ART3: variants seen among roughly 807,000 people sequenced by gnomAD.
The protein encoded by ART3 is ADP-ribosyltransferase 3 (inactive).
In ART3, 49 loss-of-function variants were observed where a neutral mutation model predicts 48.5. That is an observed-to-expected ratio of 1.01 (90% CI 0.80 to 1.28). The LOEUF (loss-of-function observed/expected upper bound fraction) is 1.28. ART3 is among the 50% of genes most tolerant of loss of function. The probability of loss-of-function intolerance (pLI) is 0.00; values close to 1 mark genes in which losing one functional copy is unlikely to be tolerated. For missense variants in ART3, 438 were observed against 454.3 expected, an observed-to-expected ratio of 0.96 and a Z score of 0.33; for synonymous variants, 145 against 157.2, an observed-to-expected ratio of 0.92 and a Z score of 0.58.
chr4:76,065,873 TA>T (rs1719689179), intron 1 of ART3, among the ~76,000 whole-genome samples: 1 of 152,140 alleles, frequency 6.6e-6, no homozygotes, highest in South Asian at 2.1e-4. Flanking sequence ...TCATTCCCTT[TA>T]TAAAGTCTGT....
chr4:76,077,687 G>A (rs973131971), intron 2 of ART3, among the ~76,000 whole-genome samples: 1 of 152,146 alleles, frequency 6.6e-6, no homozygotes, highest in Non-Finnish European at 1.5e-5. Flanking sequence ...CTATTGTTGT[G>A]AACATGTTTC....
At chr4:76,060,994 A>G (rs900732789) in intron 1 of ART3, among the ~76,000 whole-genome samples, 14 of 152,230 alleles carry the variant, frequency 9.2e-5, no homozygotes, top group African/African-American at 3.4e-4. Context: ...TTTAGCCTAC[A>G]GAGATCTATG....
intron 1 of ART3, among the ~76,000 whole-genome samples, chr4:76,028,736 C>T (rs1388108941): frequency 6.6e-6 from 1 of 152,228 alleles, no homozygotes. Context: ...TGGTTACATA[C>T]TTTTCAATTA....
chr4:76,110,236 T>A (rs934760548), intron 11 of ART3, among the ~76,000 whole-genome samples: 1 of 152,198 alleles, frequency 6.6e-6, no homozygotes, highest in African/African-American at 2.4e-5. Flanking sequence ...ATAATACAAA[T>A]TTAAAAACCC....
intron 1 of ART3, among the ~76,000 whole-genome samples, chr4:76,019,066 C>T (rs1018688570): frequency 1.4e-5 from 2 of 144,214 alleles, no homozygotes; most frequent in African/African-American, 2.5e-5. Flanking sequence ...AAAAAAAGAA[C>T]ATATGCCAGA....
At chr4:76,069,386 C>CTTTGTTT (rs59498066) in intron 1 of ART3, among the ~76,000 whole-genome samples, 1,354 of 110,070 alleles carry the variant, frequency 0.012, 117 homozygotes, top group African/African-American at 0.041. Flanking sequence ...TACTTAATTC[C>CTTTGTTT]TTTTTTTTTT....
intron 1 of ART3, among the ~76,000 whole-genome samples, chr4:76,043,358 AG>A (rs1735167346): frequency 6.6e-6 from 1 of 151,930 alleles, no homozygotes; most frequent in Non-Finnish European, 1.5e-5. Flanking sequence ...GGCACTCGTC[AG>A]GGAGGCTCGG....
At chr4:76,035,168 A>G in intron 1 of ART3, 1 of 1,613,344 alleles carries the variant, frequency 6.2e-7, no homozygotes, top group Non-Finnish European at 8.5e-7. Context: ...CAAATACATA[A>G]ACAAAAAAGC....
chr4:76,045,792 T>C (rs28848839), intron 1 of ART3, among the ~76,000 whole-genome samples: 93,415 of 151,440 alleles, frequency 0.62, 30,162 homozygotes, highest in East Asian at 0.94. Context: ...CTGGCTATCT[T>C]GCTGTATCTG....
chr4:76,034,696 T>C, intron 1 of ART3: 1 of 945,580 alleles, frequency 1.1e-6, no homozygotes, highest in Non-Finnish European at 1.6e-6. Flanking sequence ...AGTCTCAGTT[T>C]CCTACTGTAG....
At chr4:76,095,243 C>T (rs1429818807) in intron 3 of ART3, among the ~76,000 whole-genome samples, 1 of 152,170 alleles carries the variant, frequency 6.6e-6, no homozygotes, top group Non-Finnish European at 1.5e-5. Flanking sequence ...TACAGTGGCT[C>T]ATGCTTGTAA....
intron 11 of ART3, among the ~76,000 whole-genome samples, chr4:76,110,126 C>A (rs1386590901): frequency 6.6e-6 from 1 of 151,870 alleles, no homozygotes; most frequent in African/African-American, 2.4e-5. Flanking sequence ...TTTTTATCAT[C>A]TTGCAGAGAT....
rs149887939 is a variant in ART3 at position 76,065,112 on chromosome 4, G to A, written c.-9-10769G>A. ...CTCCCAAAGTGCTGGGATCACAGGCGTGAGTAATGGTAGCCATAGTGGTGG... is the reference window on the plus strand; with the variant it reads ...CTCCCAAAGTGCTGGGATCACAGGCATGAGTAATGGTAGCCATAGTGGTGG... On this transcript the variant is annotated intron_variant, in intron 1 of 9. Transcript: ENST00000341029. Among the ~76,000 whole-genome samples, 923 of 152,278 alleles carry A rather than the reference G, an allele frequency of 6.1e-3. 5 individuals are homozygous for A. Among genetic ancestry groups the A allele is most frequent in the African/African-American group, 0.019 (782 of 41,550 alleles).
chr4:76,020,869 T>C (rs59539700), intron 1 of ART3, among the ~76,000 whole-genome samples: 3,848 of 151,692 alleles, frequency 0.025, 150 homozygotes, highest in African/African-American at 0.086. Flanking sequence ...AAATAAGAGA[T>C]TAAAAAAAAA....
chr4:76,073,389 T>C (rs1720520720), upstream of ART3, among the ~76,000 whole-genome samples: 1 of 152,188 alleles, frequency 6.6e-6, no homozygotes, highest in Admixed American at 6.5e-5. Flanking sequence ...AACTCCTGCT[T>C]TTTAAAAAAT....
At chr4:76,068,472 T>C (rs1719960728) in intron 1 of ART3, among the ~76,000 whole-genome samples, 1 of 152,214 alleles carries the variant, frequency 6.6e-6, no homozygotes, top group Non-Finnish European at 1.5e-5. Flanking sequence ...TTATGTCCTC[T>C]ACAGGAACAT....
At chr4:76,069,310 AATC>A (rs60778869) in intron 1 of ART3, among the ~76,000 whole-genome samples, 30,754 of 151,246 alleles carry the variant, frequency 0.2, 5,335 homozygotes, top group African/African-American at 0.47. Context: ...GCCCTAAAAA[AATC>A]AATAATCTAC....
intron 10 of ART3, chr4:76,105,646 A>T (rs1728307771): frequency 8.2e-7 from 1 of 1,222,244 alleles, no homozygotes; most frequent in Non-Finnish European, 1.0e-6. Context: ...GGGTCTGGGG[A>T]AGACATCTGG....
intron 1 of ART3, among the ~76,000 whole-genome samples, chr4:76,024,159 A>G (rs1026253672): frequency 6.6e-6 from 1 of 152,238 alleles, no homozygotes; most frequent in Non-Finnish European, 1.5e-5. Flanking sequence ...TGTTAAAACA[A>G]GTTTCACGTC....
Sources: gnomAD v4.1 joint callset for allele counts (sites outside exome capture counted in the v4.1 genomes callset) on GRCh38, gnomAD v4.1.1 for gene constraint, MANE v1.5 for transcripts, NCBI Gene and HGNC (gene_info 2026-07-23, HGNC 2026-07-21) for gene names.